Variants in EPHA4 observed in about 807,000 individuals in gnomAD.
EPHA4 encodes the protein ephrin type-A receptor 4.
EPHA4 carries 19 observed loss-of-function variants against 108.3 expected under a neutral mutation model. The observed-to-expected ratio is 0.18, with a 90% CI of 0.12 to 0.26. EPHA4 has a LOEUF of 0.26. EPHA4 is among the 10% of genes least tolerant of loss of function. The pLI, the probability that EPHA4 is intolerant of heterozygous loss-of-function variation, is 1.00. For synonymous variants in EPHA4, 449 were observed against 455.5 expected, an observed-to-expected ratio of 0.99 and a Z score of 0.18; for missense variants, 917 against 1,254.0, an observed-to-expected ratio of 0.73 and a Z score of 4.06.
At chr2:221,520,687 A>G (rs2106173714) in intron 3 of EPHA4, among the ~76,000 whole-genome samples, 1 of 152,258 alleles carries the variant, frequency 6.6e-6, no homozygotes, top group Middle Eastern at 3.4e-3. Context: ...AGAGACTTTC[A>G]ATTTTACTTT....
At chr2:221,499,737 TATATATA>T (rs1692419315) in intron 4 of EPHA4, among the ~76,000 whole-genome samples, 1 of 52,246 alleles carries the variant, frequency 1.9e-5, no homozygotes, top group Non-Finnish European at 3.5e-5. Context: ...TATATATATA[TATATATA>T]TATATATATA....
At position 221,434,175 on chromosome 2, in the gene EPHA4, C is replaced by T. The variant is rs1373677886; in HGVS notation, c.2463G>A (p.Gly821=). ...TGGACATATCCCAATAGGGCCTCTC[C>T]CCGTACGACATCACTTCCCACATAA... ...GIVMWEVMSY[G]ERPYWDMSNQ... The change falls in exon 14 of 18, where the codon GGG becomes GGA. Residue 821 remains glycine (G), a synonymous_variant. Coordinates refer to ENST00000281821, the MANE Select transcript of EPHA4 (RefSeq NM_004438.5). The T allele has an allele frequency of 1.2e-6, 2 of 1,613,842 alleles. No individual in the cohort carries two copies. Among genetic ancestry groups the T allele is most frequent in the African/African-American group, 1.3e-5 (1 of 74,908 alleles).
At chr2:221,448,276 G>T (rs1370281124) in intron 8 of EPHA4, among the ~76,000 whole-genome samples, 10 of 152,106 alleles carry the variant, frequency 6.6e-5, no homozygotes, top group Admixed American at 6.5e-4. Flanking sequence ...GGATCACCAC[G>T]TGCTCTCCTA....
At chr2:221,515,802 C>T (rs1692972331) in intron 3 of EPHA4, among the ~76,000 whole-genome samples, 1 of 152,136 alleles carries the variant, frequency 6.6e-6, no homozygotes, top group African/African-American at 2.4e-5. Context: ...GGCAACGGAG[C>T]AAGACCCTGT....
chr2:221,499,737 T>C (rs1196744250), intron 4 of EPHA4, among the ~76,000 whole-genome samples: 1 of 52,246 alleles, frequency 1.9e-5, no homozygotes, highest in Admixed American at 2.0e-4. Flanking sequence ...TATATATATA[T>C]ATATATATAT....
At chr2:221,496,340 A>C (rs1184237779) in intron 4 of EPHA4, among the ~76,000 whole-genome samples, 1 of 152,174 alleles carries the variant, frequency 6.6e-6, no homozygotes, top group African/African-American at 2.4e-5. Context: ...AAGTTTAAAT[A>C]AGAACCTAAA....
At chr2:221,435,872 T>C (rs1308235085) in intron 13 of EPHA4, among the ~76,000 whole-genome samples, 1 of 151,156 alleles carries the variant, frequency 6.6e-6, no homozygotes. Flanking sequence ...TTGCTTTGTC[T>C]CATTTAGAAT....
intron 8 of EPHA4, among the ~76,000 whole-genome samples, chr2:221,452,541 C>T (rs1021276761): frequency 2.6e-5 from 4 of 152,102 alleles, no homozygotes; most frequent in Non-Finnish European, 2.9e-5. Flanking sequence ...GTGCATGAGC[C>T]GCTGCAAGCC....
chr2:221,424,526 G>A (rs1366253646), intron 17 of EPHA4, among the ~76,000 whole-genome samples: 1 of 151,322 alleles, frequency 6.6e-6, no homozygotes, highest in Non-Finnish European at 1.5e-5. Flanking sequence ...CCAAAGTTAT[G>A]TCCTTTGTTT....
chr2:221,479,134 T>C (rs1038593153), intron 5 of EPHA4, among the ~76,000 whole-genome samples: 2 of 152,204 alleles, frequency 1.3e-5, no homozygotes, highest in African/African-American at 4.8e-5. Flanking sequence ...TAATCTGGTC[T>C]CATAAATGGG....
chr2:221,510,201 T>G (rs1259598981), intron 3 of EPHA4, among the ~76,000 whole-genome samples: 1 of 152,272 alleles, frequency 6.6e-6, no homozygotes, highest in African/African-American at 2.4e-5. Context: ...TCTTCATTAT[T>G]GTTTTTATTT....
rs1028620738 is a variant in EPHA4 at position 221,546,119 on chromosome 2, G to A, written c.823+17612C>T. Among the ~76,000 whole-genome samples the A allele has an allele frequency of 2.6e-5, 4 of 152,182 alleles. No homozygotes were observed. In the South Asian group the frequency reaches 8.3e-4, roughly 32 times the overall value. On this transcript the variant is annotated intron_variant, in intron 3 of 17. Coordinates refer to ENST00000281821, the MANE Select transcript of EPHA4 (RefSeq NM_004438.5). ...AAAGCAACAGTTCAGGGAAAGGCATGGAGACCTCAGAATGTACTGGCATAG... is the reference window on the plus strand; with the variant it reads ...AAAGCAACAGTTCAGGGAAAGGCATAGAGACCTCAGAATGTACTGGCATAG...
chr2:221,463,986 G>A (rs1289364473), intron 5 of EPHA4, among the ~76,000 whole-genome samples: 2 of 152,136 alleles, frequency 1.3e-5, no homozygotes, highest in African/African-American at 2.4e-5. Context: ...GGGTGGAGGA[G>A]GTGAGCTAGG....
chr2:221,567,797 C>T (rs1694718372), intron 2 of EPHA4, among the ~76,000 whole-genome samples: 2 of 152,176 alleles, frequency 1.3e-5, no homozygotes, highest in African/African-American at 4.8e-5. Context: ...CAATTTTTGC[C>T]TAGTAAAAAC....
Position 221,425,239 on chromosome 2 carries a change from A to G in EPHA4, c.*789T>C, listed in dbSNP as rs1487123251. 1 of 152,542 alleles carries G rather than the reference A, an allele frequency of 6.6e-6. No homozygotes were observed. The highest frequency in any genetic ancestry group is 1.5e-5 in the Non-Finnish European group (1 of 68,028). 9.4% of individuals were successfully genotyped at this position (152,542 alleles called of 1,614,324 possible). On this transcript the variant is annotated 3_prime_UTR_variant, in exon 17 of 18. Coordinates refer to ENST00000281821, the MANE Select transcript of EPHA4 (RefSeq NM_004438.5). ...AGATCTGGGGTCGCTTCTTTAAAGG[A>G]GCGAAGTGTGAACGTTCTCTATTCC...
chr2:221,503,910 T>C (rs1393143450), intron 3 of EPHA4, among the ~76,000 whole-genome samples: 4 of 152,240 alleles, frequency 2.6e-5, no homozygotes, highest in Non-Finnish European at 5.9e-5. Flanking sequence ...GTTTAGTACA[T>C]TTCTTTGCTC....
chr2:221,566,687 T>G (rs1307551619), intron 2 of EPHA4, among the ~76,000 whole-genome samples: 3 of 151,434 alleles, frequency 2.0e-5, no homozygotes, highest in Non-Finnish European at 2.9e-5. Context: ...TACAGTCAGC[T>G]CTGCATAGTT....
intron 11 of EPHA4, among the ~76,000 whole-genome samples, chr2:221,439,179 C>G (rs949717102): frequency 3.9e-5 from 6 of 152,156 alleles, no homozygotes; most frequent in Non-Finnish European, 8.8e-5. Flanking sequence ...AAGTGGGAAT[C>G]TTGGTGCAGA....
intron 5 of EPHA4, among the ~76,000 whole-genome samples, chr2:221,465,802 A>C (rs542415160): frequency 1.3e-4 from 20 of 152,326 alleles, no homozygotes; most frequent in African/African-American, 4.6e-4. Context: ...CAAGAAAATA[A>C]ATTTCTATTG....
Sources: allele counts gnomAD v4.1 joint callset (sites outside exome capture counted in the v4.1 genomes callset), GRCh38; gene constraint gnomAD v4.1.1; transcripts MANE v1.5; gene names NCBI Gene and HGNC (gene_info 2026-07-23, HGNC 2026-07-21).